SLF1: variants seen among roughly 807,000 people sequenced by gnomAD.
The protein encoded by SLF1 is SMC5-SMC6 complex localization factor protein 1.
Under a neutral mutation model 123.0 loss-of-function variants are expected in SLF1, and 105 were observed. The ratio of observed to expected loss-of-function variants is 0.85; its 90% confidence interval spans 0.73 to 1.00. The LOEUF is 1.00. Ranked by LOEUF, SLF1 falls within the 50% of genes least tolerant of loss-of-function variation. The probability of loss-of-function intolerance (pLI) is 0.00; values close to 1 mark genes in which losing one functional copy is unlikely to be tolerated. For missense variants in SLF1, 1,239 were observed against 1,223.0 expected, an observed-to-expected ratio of 1.01 and a Z score of -0.20; for synonymous variants, 434 against 406.6, an observed-to-expected ratio of 1.07 and a Z score of -0.81.
intron 9 of SLF1, among the ~76,000 whole-genome samples, chr5:94,658,216 G>A (rs1284512958): frequency 7.8e-6 from 1 of 128,720 alleles, no homozygotes; most frequent in African/African-American, 2.9e-5. Flanking sequence ...TTGTATTTTT[G>A]CTTTACAGTG....
At chr5:94,625,871 C>T (rs1792191838) in intron 1 of SLF1, among the ~76,000 whole-genome samples, 1 of 152,082 alleles carries the variant, frequency 6.6e-6, no homozygotes. Flanking sequence ...GCATATTCTT[C>T]ATAGTTTTTA....
At chr5:94,656,740 C>G (rs976050740) in intron 9 of SLF1, among the ~76,000 whole-genome samples, 4 of 151,576 alleles carry the variant, frequency 2.6e-5, no homozygotes, top group African/African-American at 4.8e-5. Flanking sequence ...TATCCATTTC[C>G]CCTAAGTTTT....
chr5:94,643,712 G>A (rs1176806872), intron 5 of SLF1, among the ~76,000 whole-genome samples: 2 of 151,978 alleles, frequency 1.3e-5, no homozygotes, highest in Non-Finnish European at 2.9e-5. Flanking sequence ...ATATAGTATT[G>A]TATGAGAATT....
At chr5:94,691,850 G>A (rs1225748212) in intron 19 of SLF1, among the ~76,000 whole-genome samples, 194 bp downstream of exon 19, 1 of 151,562 alleles carries the variant, frequency 6.6e-6, no homozygotes, top group Admixed American at 6.6e-5. Context: ...ACATTTTTTG[G>A]TGTCCATATT....
At chr5:94,623,964 T>A (rs1173702808) in intron 1 of SLF1, among the ~76,000 whole-genome samples, 1 of 152,204 alleles carries the variant, frequency 6.6e-6, no homozygotes, top group Non-Finnish European at 1.5e-5. Context: ...TGTCATATCA[T>A]GTGCTGTAAA....
At chr5:94,619,558 C>T (rs985295036) in intron 1 of SLF1, among the ~76,000 whole-genome samples, 2 of 152,076 alleles carry the variant, frequency 1.3e-5, no homozygotes, top group African/African-American at 4.8e-5. Context: ...TTAGATGGAG[C>T]TTGATTTTGG....
intron 5 of SLF1, among the ~76,000 whole-genome samples, chr5:94,648,268 A>C (rs1747292326): frequency 6.6e-6 from 1 of 152,224 alleles, no homozygotes; most frequent in African/African-American, 2.4e-5. Context: ...CTGAAAAAGA[A>C]ATTCAATCAG....
intron 1 of SLF1, among the ~76,000 whole-genome samples, chr5:94,621,604 C>A (rs1393705188): frequency 6.6e-6 from 1 of 152,158 alleles, no homozygotes; most frequent in Non-Finnish European, 1.5e-5. Context: ...CCTCTCTTGA[C>A]CAACTTGCTT....
At chr5:94,652,997 A>T (rs569741716) in intron 7 of SLF1, among the ~76,000 whole-genome samples, 4 of 152,252 alleles carry the variant, frequency 2.6e-5, no homozygotes, top group African/African-American at 9.6e-5. Context: ...AGCTGGGATT[A>T]CAGGCATGTG....
At chr5:94,693,274 A>G (rs947393817) in intron 20 of SLF1, among the ~76,000 whole-genome samples, 15 of 151,874 alleles carry the variant, frequency 9.9e-5, no homozygotes, top group Non-Finnish European at 2.1e-4. Flanking sequence ...TTTCATAGTC[A>G]ATGTTTTTCA....
At position 94,655,149 on chromosome 5, in the gene SLF1, C is replaced by A. The variant is rs192128715; in HGVS notation, c.1155+397C>A. On this transcript the variant is annotated intron_variant, in intron 9 of 20. Coordinates refer to ENST00000265140, the MANE Select transcript of SLF1 (RefSeq NM_032290.4). ...AAATAACAGTCTAGTTTTCATTCTG[C>A]TTATGATTATCCAGTTTTCCCAACA... Among the ~76,000 whole-genome samples, 643 of 152,278 alleles carry A rather than the reference C, an allele frequency of 4.2e-3. 19 individuals are homozygous for A. The highest frequency in any genetic ancestry group is 1.2e-3 in the Non-Finnish European group (82 of 67,992).
Position 94,665,940 on chromosome 5 carries a change from C to T in SLF1, c.1448C>T (p.Pro483Leu). ...LLHLHPPWKS[P>L]AMSRYYLELF... ...CACCTGCATCCTCCTTGGAAGTCTC[C>T]AGCCATGTCGAGATATTATTTAGAG... Residue 483 changes from proline to leucine, a missense_variant, in exon 12 of 21, where the codon CCA (proline) becomes CTA (leucine). Coordinates refer to ENST00000265140, the MANE Select transcript of SLF1 (RefSeq NM_032290.4). The T allele has an allele frequency of 6.4e-7, 1 of 1,551,138 alleles. No homozygotes were observed. Among genetic ancestry groups the T allele is most frequent in the Non-Finnish European group, 8.7e-7 (1 of 1,146,450 alleles).
chr5:94,665,328 A>G (rs1359612559), intron 11 of SLF1, among the ~76,000 whole-genome samples: 1 of 152,230 alleles, frequency 6.6e-6, no homozygotes, highest in Non-Finnish European at 1.5e-5. Context: ...CCATGCAGTT[A>G]AAACCTGTTA....
chr5:94,653,392 T>G lies in SLF1; in HGVS notation c.1003T>G (p.Leu335Val). 6.6e-7 allele frequency: 1 copy of G among 1,523,420 alleles called. No homozygotes were observed. The allele number at this position is 1,523,420 out of a possible 1,614,324, so 94.4% of individuals were successfully genotyped here. A position where few individuals can be genotyped will look rare whatever the true frequency, so the allele number is the denominator to read the frequency against. ...GVEHEKIKST[L>V]RRHIYNRDQK... ...TGAACATGAAAAAATAAAAAGTACC[T>G]TAAGAAGGCACATATATAATAGAGA... The change falls in exon 8 of 21, where the codon TTA becomes GTA. Residue 335 changes from leucine to valine, a missense_variant. Leu to Val is a conservative substitution (Grantham distance 32, BLOSUM62 1). Transcript: ENST00000265140.
intron 1 of SLF1, 98 bp from the exon 2 acceptor site, chr5:94,628,713 T>C: frequency 6.3e-6 from 4 of 634,648 alleles, no homozygotes; most frequent in Non-Finnish European, 1.0e-5. Context: ...GTATGTTTAA[T>C]AGTTTATTTT....
intron 1 of SLF1, among the ~76,000 whole-genome samples, chr5:94,623,950 C>G (rs1792014783): frequency 6.6e-6 from 1 of 152,084 alleles, no homozygotes; most frequent in Non-Finnish European, 1.5e-5. Flanking sequence ...ACAGGTCATT[C>G]ACTTGTCATA....
intron 4 of SLF1, among the ~76,000 whole-genome samples, chr5:94,632,067 G>C (rs59015894): frequency 6.6e-6 from 1 of 150,676 alleles, no homozygotes; most frequent in Non-Finnish European, 1.5e-5. Context: ...AGATAGCCTA[G>C]AGCCCAGGAG....
At chr5:94,623,360 G>C (rs1791960502) in intron 1 of SLF1, among the ~76,000 whole-genome samples, 2 of 152,012 alleles carry the variant, frequency 1.3e-5, no homozygotes, top group Admixed American at 1.3e-4. Flanking sequence ...GTTAATTATA[G>C]ATAAGATTTT....
intron 4 of SLF1, 54 bp from the exon 5 acceptor site, chr5:94,643,219 A>G (rs1026073944): frequency 4.5e-6 from 6 of 1,328,864 alleles, no homozygotes; most frequent in Admixed American, 2.9e-5. Context: ...AGATAATTTG[A>G]CTAAAGAAAC....
Sources: allele counts gnomAD v4.1 joint callset (sites outside exome capture counted in the v4.1 genomes callset), GRCh38; gene constraint gnomAD v4.1.1; transcripts MANE v1.5; gene names NCBI Gene and HGNC (gene_info 2026-07-23, HGNC 2026-07-21).